The following EPB41L5 variants were observed in gnomAD, a reference collection of about 807,000 sequenced individuals.
The protein encoded by EPB41L5 is band 4.1-like protein 5.
EPB41L5 carries 55 observed loss-of-function variants against 106.6 expected under a neutral mutation model. The observed-to-expected ratio is 0.52, with a 90% CI of 0.42 to 0.65. The LOEUF is 0.65. Ranked by LOEUF, EPB41L5 falls within the 30% of genes least tolerant of loss-of-function variation. The pLI, the probability that EPB41L5 is intolerant of heterozygous loss-of-function variation, is 0.00. For missense variants in EPB41L5, 871 were observed against 882.1 expected (o/e 0.99, Z 0.16); for synonymous variants, 297 against 306.7 (o/e 0.97, Z 0.33).
At chr2:120,118,624 A>G (rs1300212918) in intron 16 of EPB41L5, among the ~76,000 whole-genome samples, 2 of 152,054 alleles carry the variant, frequency 1.3e-5, no homozygotes, top group African/African-American at 4.8e-5. Flanking sequence ...CTGTTCCTAC[A>G]TTAGTTTAAT....
chr2:120,038,637 C>G (rs760222708), intron 2 of EPB41L5, among the ~76,000 whole-genome samples: 1 of 152,136 alleles, frequency 6.6e-6, no homozygotes, highest in African/African-American at 2.4e-5. Flanking sequence ...CACCTTAGTC[C>G]CAGCTACTTG....
intron 18 of EPB41L5, among the ~76,000 whole-genome samples, chr2:120,135,061 C>A (rs1685866489): frequency 6.6e-6 from 1 of 152,030 alleles, no homozygotes; most frequent in South Asian, 2.1e-4. Flanking sequence ...CAAGATAACA[C>A]AGAAAAGGAA....
chr2:120,104,359 T>C (rs780746117), intron 16 of EPB41L5: 96 of 1,415,230 alleles, frequency 6.8e-5, no homozygotes, highest in Non-Finnish European at 8.6e-5. Flanking sequence ...AGTGAGTCAC[T>C]AGTTGTTCAG....
At chr2:120,026,176 G>T (rs923553457) in intron 2 of EPB41L5, among the ~76,000 whole-genome samples, 1 of 152,058 alleles carries the variant, frequency 6.6e-6, no homozygotes, top group Non-Finnish European at 1.5e-5. Context: ...AAAAAAATAG[G>T]CATAATTTTT....
intron 20 of EPB41L5, among the ~76,000 whole-genome samples, chr2:120,150,127 G>C (rs568865624): frequency 6.6e-6 from 1 of 152,032 alleles, no homozygotes; most frequent in South Asian, 2.1e-4. Flanking sequence ...GAACTCCTGA[G>C]CTCAAGCGAG....
At chr2:120,050,098 T>G (rs1680120899) in intron 3 of EPB41L5, among the ~76,000 whole-genome samples, 1 of 152,172 alleles carries the variant, frequency 6.6e-6, no homozygotes, top group South Asian at 2.1e-4. Context: ...CCCTTAACAT[T>G]TTTTCCTTCA....
At chr2:120,055,924 T>A (rs1309994039) in intron 3 of EPB41L5, among the ~76,000 whole-genome samples, 1 of 152,182 alleles carries the variant, frequency 6.6e-6, no homozygotes, top group Non-Finnish European at 1.5e-5. Context: ...CTTGTGTTTT[T>A]TTCTTTCCTT....
At chr2:120,029,081 C>T (rs947156057) in intron 2 of EPB41L5, among the ~76,000 whole-genome samples, 3 of 152,102 alleles carry the variant, frequency 2.0e-5, no homozygotes, top group Non-Finnish European at 2.9e-5. Flanking sequence ...GGAGATAGCA[C>T]GGCAGTTGGA....
intron 2 of EPB41L5, among the ~76,000 whole-genome samples, chr2:120,025,721 T>C (rs1162300613): frequency 6.6e-6 from 1 of 152,218 alleles, no homozygotes; most frequent in African/African-American, 2.4e-5. Flanking sequence ...CTCAAATTGA[T>C]TGATGCATTC....
At chr2:120,068,075 G>A (rs1233046061) in intron 3 of EPB41L5, among the ~76,000 whole-genome samples, 1 of 152,162 alleles carries the variant, frequency 6.6e-6, no homozygotes, top group Non-Finnish European at 1.5e-5. Context: ...TCCAACTGAG[G>A]TACCCAGCTC....
rs13430708 is a variant in EPB41L5, at chr2:120,056,739, C to A, written c.285+14629C>A. Among the ~76,000 whole-genome samples, 280 of 151,766 alleles carry A rather than the reference C, an allele frequency of 1.8e-3. 1 individual carries two copies. The highest frequency in any genetic ancestry group is 6.4e-3 in the African/African-American group (264 of 41,354). ...AGACGAGGTGGGAAAACCATCCCCC[C>A]TCTTGTATTTTTTTGGAAAATCTTG... On this transcript the variant is annotated intron_variant, in intron 3 of 24. Coordinates refer to ENST00000263713, the MANE Select transcript of EPB41L5 (RefSeq NM_020909.4).
chr2:120,030,895 A>G (rs1432579569), intron 2 of EPB41L5, among the ~76,000 whole-genome samples: 3 of 148,184 alleles, frequency 2.0e-5, no homozygotes, highest in African/African-American at 7.5e-5. Flanking sequence ...ATTTATTTAG[A>G]GACAGAGTTT....
At chr2:120,054,593 C>T (rs1680511512) in intron 3 of EPB41L5, among the ~76,000 whole-genome samples, 1 of 151,624 alleles carries the variant, frequency 6.6e-6, no homozygotes, top group Non-Finnish European at 1.5e-5. Context: ...AACTCCGCCT[C>T]CCGGTTCGAG....
At chr2:120,084,235 T>C (rs1342310033) in intron 10 of EPB41L5, among the ~76,000 whole-genome samples, 1 of 152,210 alleles carries the variant, frequency 6.6e-6, no homozygotes, top group Non-Finnish European at 1.5e-5. Context: ...GTCTTTACAA[T>C]TTGGCATGGT....
In EPB41L5 at chr2:120,026,838, T is replaced by A. The variant is rs761429410; in HGVS notation, c.180+7574T>A. ...AGAGAAAGTATTTGCAAATTATATATCTGATAAGGAACTTGTATCTAGGCT... is the reference window on the plus strand; with the variant it reads ...AGAGAAAGTATTTGCAAATTATATAACTGATAAGGAACTTGTATCTAGGCT... On this transcript the variant is annotated intron_variant, in intron 2 of 24. Coordinates refer to ENST00000263713, the MANE Select transcript of EPB41L5 (RefSeq NM_020909.4). Among the ~76,000 whole-genome samples, 14 of 152,334 alleles carry A rather than the reference T, an allele frequency of 9.2e-5. No homozygotes were observed. In the South Asian group the frequency reaches 2.9e-3, roughly 32 times the overall value.
At chr2:120,139,260 G>A (rs1265417579) in intron 18 of EPB41L5, among the ~76,000 whole-genome samples, 1 of 151,998 alleles carries the variant, frequency 6.6e-6, no homozygotes, top group African/African-American at 2.4e-5. Flanking sequence ...TAAAACATCA[G>A]TCTATGCAAA....
At chr2:120,119,244 A>G (rs1446862431) in intron 16 of EPB41L5, among the ~76,000 whole-genome samples, 1 of 151,786 alleles carries the variant, frequency 6.6e-6, no homozygotes, top group Non-Finnish European at 1.5e-5. Context: ...AGATAGATAT[A>G]TTGCAAAAAT....
chr2:120,092,008 TTTTA>T (rs145583905), intron 13 of EPB41L5, among the ~76,000 whole-genome samples: 132,022 of 146,682 alleles, frequency 0.9, 59,766 homozygotes, highest in Admixed American at 0.95. Flanking sequence ...TTAAAAACAT[TTTTA>T]TTTATTTATT....
chr2:120,168,544 A>G (rs576255865), intron 24 of EPB41L5, among the ~76,000 whole-genome samples: 15 of 152,366 alleles, frequency 9.8e-5, no homozygotes, highest in African/African-American at 2.9e-4. Flanking sequence ...TGCTAGAACC[A>G]TAACTGCACC....
Sources: gnomAD v4.1 joint callset for allele counts (sites outside exome capture counted in the v4.1 genomes callset) on GRCh38, gnomAD v4.1.1 for gene constraint, MANE v1.5 for transcripts, NCBI Gene and HGNC (gene_info 2026-07-23, HGNC 2026-07-21) for gene names.